Variants in CALN1 observed in about 807,000 individuals in gnomAD.
CALN1 encodes the protein calneuron 1.
Under a neutral mutation model 30.6 loss-of-function variants are expected in CALN1, and 17 were observed. That is an observed-to-expected ratio of 0.56 (90% CI 0.38 to 0.83). The LOEUF (loss-of-function observed/expected upper bound fraction) is 0.83. Among genes scored for constraint, CALN1 ranks in the 40% least tolerant of loss-of-function variants. The probability of loss-of-function intolerance (pLI) is 0.00; values close to 1 mark genes in which losing one functional copy is unlikely to be tolerated. For missense variants in CALN1, 291 were observed against 354.9 expected (o/e 0.82, Z 1.45); for synonymous variants, 156 against 131.4 (o/e 1.19, Z -1.28).
intron 5 of CALN1, among the ~76,000 whole-genome samples, chr7:71,833,577 G>GAA (rs66818847): frequency 0.11 from 12,741 of 120,958 alleles, 1,859 homozygotes; most frequent in African/African-American, 0.34. Context: ...ACATGGTAAA[G>GAA]AAAAAAAAAA....
intron 2 of CALN1, among the ~76,000 whole-genome samples, chr7:72,391,706 T>C (rs1382841385): frequency 1.3e-5 from 2 of 151,960 alleles, no homozygotes; most frequent in African/African-American, 4.8e-5. Flanking sequence ...CTGCACAAGT[T>C]TTTTTGTTTT....
At chr7:71,793,812 G>T (rs1296291096) in intron 6 of CALN1, among the ~76,000 whole-genome samples, 1 of 152,094 alleles carries the variant, frequency 6.6e-6, no homozygotes, top group Non-Finnish European at 1.5e-5. Context: ...GGAGGCAGAG[G>T]TTGATCATGC....
At chr7:72,384,387 G>A (rs1477770986) in intron 2 of CALN1, among the ~76,000 whole-genome samples, 1 of 152,098 alleles carries the variant, frequency 6.6e-6, no homozygotes, top group Middle Eastern at 3.2e-3. Context: ...CGTACACAAA[G>A]AAATGAACCT....
At chr7:72,204,718 T>TAAAG (rs1018735864) in intron 3 of CALN1, among the ~76,000 whole-genome samples, 12 of 152,184 alleles carry the variant, frequency 7.9e-5, no homozygotes, top group African/African-American at 2.9e-4. Flanking sequence ...ATTATACATG[T>TAAAG]AAAGACTTTA....
chr7:72,488,708 G>C, the CALN1 span, among the ~76,000 whole-genome samples: 1 of 151,984 alleles, frequency 6.6e-6, no homozygotes, highest in South Asian at 2.1e-4. Flanking sequence ...TTTAGATATA[G>C]GATCTCACTC....
the CALN1 span, among the ~76,000 whole-genome samples, chr7:72,491,461 C>T: frequency 2.0e-5 from 3 of 151,950 alleles, no homozygotes; most frequent in African/African-American, 7.3e-5. Context: ...CCTAGCTACT[C>T]AAGAAGCTGA....
In CALN1 at chr7:72,444,903, C is replaced by T. The variant is rs180936993; in HGVS notation, c.-226+2139G>A. ...TGAAGGTCTGTTGGTCCCCAAAGGCCATGCCTTTCCCACCACCTTGTAAGC... is the reference window on the plus strand; with the variant it reads ...TGAAGGTCTGTTGGTCCCCAAAGGCTATGCCTTTCCCACCACCTTGTAAGC... On this transcript the variant is annotated intron_variant, in intron 1 of 6. Transcript: ENST00000395276. 2.3e-3 allele frequency among the ~76,000 whole-genome samples: 345 copies of T among 152,230 alleles called. 2 individuals carry two copies. The highest frequency in any genetic ancestry group is 7.9e-3 in the African/African-American group (330 of 41,526).
intron 3 of CALN1, among the ~76,000 whole-genome samples, chr7:72,249,872 G>A (rs1312537083): frequency 1.3e-5 from 2 of 150,942 alleles, no homozygotes; most frequent in Non-Finnish European, 2.9e-5. Flanking sequence ...AGGAGGTGGA[G>A]GTTGCAGTGA....
chr7:71,864,185 T>C (rs1006686308), intron 5 of CALN1, among the ~76,000 whole-genome samples: 5 of 152,226 alleles, frequency 3.3e-5, no homozygotes, highest in African/African-American at 1.2e-4. Flanking sequence ...AATTTTAAGA[T>C]AATCTTCAAT....
At chr7:72,453,596 T>A in the CALN1 span, among the ~76,000 whole-genome samples, 2 of 152,230 alleles carry the variant, frequency 1.3e-5, no homozygotes, top group Admixed American at 6.5e-5. Context: ...TAGCTACTCT[T>A]GCAATTACAA....
chr7:72,370,659 A>G (rs1804182729), intron 2 of CALN1, among the ~76,000 whole-genome samples: 1 of 151,176 alleles, frequency 6.6e-6, no homozygotes, highest in African/African-American at 2.4e-5. Context: ...TCCGTCTCAA[A>G]AAAAAAAAAA....
the CALN1 span, among the ~76,000 whole-genome samples, chr7:72,499,774 TTTCCTTCCTTCCTTCCTTCCTTCC>T: frequency 1.1e-4 from 13 of 118,740 alleles, no homozygotes; most frequent in Middle Eastern, 8.2e-3. Context: ...ACTTTCTTTC[TTTCCTTCCTTCCTTCCTTCCTTCC>T]TTCCTTCCTT....
At chr7:72,339,868 C>T (rs1157991309) in intron 2 of CALN1, among the ~76,000 whole-genome samples, 1 of 152,150 alleles carries the variant, frequency 6.6e-6, no homozygotes, top group African/African-American at 2.4e-5. Flanking sequence ...AATTTCCTCC[C>T]AACAGATCCC....
At chr7:71,946,908 C>G (rs1222832339) in intron 5 of CALN1, among the ~76,000 whole-genome samples, 1 of 152,164 alleles carries the variant, frequency 6.6e-6, no homozygotes, top group Non-Finnish European at 1.5e-5. Context: ...CTCATGAACT[C>G]CTGGGCTCAA....
At chr7:72,124,231 A>G (rs918915857) in intron 3 of CALN1, among the ~76,000 whole-genome samples, 1 of 152,306 alleles carries the variant, frequency 6.6e-6, no homozygotes, top group Non-Finnish European at 1.5e-5. Context: ...GTAACACTGC[A>G]ATCTATTGGA....
At chr7:71,928,814 T>C (rs1040544249) in intron 5 of CALN1, among the ~76,000 whole-genome samples, 1 of 151,982 alleles carries the variant, frequency 6.6e-6, no homozygotes, top group Non-Finnish European at 1.5e-5. Context: ...GGCAGATCAC[T>C]TGAGGTCAGG....
chr7:71,984,687 C>G (rs1314265073), intron 5 of CALN1, among the ~76,000 whole-genome samples: 1 of 152,160 alleles, frequency 6.6e-6, no homozygotes, highest in Non-Finnish European at 1.5e-5. Flanking sequence ...ATATGGGAGA[C>G]CCATGGCAGG....
chr7:72,366,680 AT>A (rs1803895852), intron 2 of CALN1, among the ~76,000 whole-genome samples: 2 of 152,164 alleles, frequency 1.3e-5, no homozygotes, highest in Admixed American at 6.6e-5. Flanking sequence ...TATAATGAAT[AT>A]TATTAATTGA....
At chr7:72,487,970 G>GGAAAC in the CALN1 span, among the ~76,000 whole-genome samples, 1 of 145,812 alleles carries the variant, frequency 6.9e-6, no homozygotes, top group African/African-American at 2.6e-5. Context: ...AAGGAAGGAA[G>GGAAAC]GAAGGAAGGA....
Sources: gnomAD v4.1 joint callset for allele counts (sites outside exome capture counted in the v4.1 genomes callset) on GRCh38, gnomAD v4.1.1 for gene constraint, MANE v1.5 for transcripts, NCBI Gene and HGNC (gene_info 2026-07-23, HGNC 2026-07-21) for gene names.